Variants in LRRC74B observed in about 807,000 individuals in gnomAD.
LRRC74B encodes the protein leucine rich repeat containing 74B.
LRRC74B carries 30 observed loss-of-function variants against 16.6 expected under a neutral mutation model. The observed-to-expected ratio is 1.80, with a 90% CI of 1.35 to 2.45. The LOEUF is 2.45. Among genes scored for constraint, LRRC74B ranks in the 30% most tolerant of loss-of-function variants. The pLI is 0.00. For synonymous variants in LRRC74B, 134 were observed against 86.0 expected (o/e 1.56, Z -3.09); for missense variants, 326 against 202.4 (o/e 1.61, Z -3.71).
chr22:21,063,524 G>A (rs1040684661), downstream of LRRC74B: 2 of 140,682 alleles, frequency 1.4e-5, no homozygotes, highest in Non-Finnish European at 3.1e-5. Context: ...GCAACATCAG[G>A]AGATCCTTGT....
At chr22:21,055,449 C>T (rs928870439) in intron 7 of LRRC74B, among the ~76,000 whole-genome samples, 14 of 152,140 alleles carry the variant, frequency 9.2e-5, no homozygotes, top group South Asian at 2.1e-4. Flanking sequence ...TTGTGTCTCC[C>T]TCATCTTCTC....
rs1243859301 is a variant in LRRC74B, at chr22:21,048,023, G to A, written c.415+7G>A. 1 of 717,194 alleles carries A rather than the reference G, an allele frequency of 1.4e-6. No homozygotes were observed. The highest frequency in any genetic ancestry group is 2.6e-6 in the Non-Finnish European group (1 of 385,048). The allele number at this position is 717,194 out of a possible 1,614,324, so 44.4% of individuals were successfully genotyped here. ...AAAAGCAGCAGCATCCATGGTAGGT[G>A]CTGGGTCTGGGGCAGGTGGGCAGGC... On this transcript the variant is annotated splice_region_variant and intron_variant, in intron 3 of 8. Transcript: ENST00000442047.
intron 1 of LRRC74B, among the ~76,000 whole-genome samples, chr22:21,046,404 A>C (rs1929437233): frequency 6.9e-6 from 1 of 145,374 alleles, no homozygotes; most frequent in South Asian, 2.1e-4. Context: ...TGGAATTTAG[A>C]ACTATCTCGG....
At chr22:21,056,144 C>T (rs1930503287) in intron 7 of LRRC74B, among the ~76,000 whole-genome samples, 1 of 152,222 alleles carries the variant, frequency 6.6e-6, no homozygotes, top group Non-Finnish European at 1.5e-5. Context: ...GGACCAGAAA[C>T]ATGCCCTGCT....
intron 8 of LRRC74B, among the ~76,000 whole-genome samples, chr22:21,058,401 G>C (rs1278332981): frequency 6.6e-6 from 1 of 151,988 alleles, no homozygotes; most frequent in Non-Finnish European, 1.5e-5. Flanking sequence ...GTAGTTTCGG[G>C]TACTCAGAAG....
intron 3 of LRRC74B, chr22:21,048,539 C>T (rs1404115277): frequency 2.1e-5 from 6 of 279,740 alleles, no homozygotes; most frequent in Non-Finnish European, 4.2e-5. Context: ...GAAATGCACT[C>T]CTGAAGTGGT....
At chr22:21,052,089 C>T (rs546889259) in intron 4 of LRRC74B, among the ~76,000 whole-genome samples, 160 bp from the exon 5 acceptor site, 6 of 152,318 alleles carry the variant, frequency 3.9e-5, no homozygotes, top group Admixed American at 2.6e-4. Context: ...TTGTATCTCC[C>T]CCATGAAATG....
At chr22:21,048,014 A>G (rs780221264) in exon 3 of LRRC74B, 2 of 717,084 alleles carry the variant, frequency 2.8e-6, no homozygotes, top group South Asian at 3.0e-5. Context: ...AGCAGCATCC[A>G]TGGTAGGTGC....
intron 7 of LRRC74B, chr22:21,056,596 G>GTACACACACACA (rs1555952676): frequency 3.6e-5 from 5 of 140,230 alleles, no homozygotes; most frequent in African/African-American, 1.1e-4. Context: ...CAAGCTTGGA[G>GTACACACACACA]CACACACACA....
chr22:21,053,546 C>A (rs990843957), intron 6 of LRRC74B, 71 bp downstream of exon 6: 3 of 682,184 alleles, frequency 4.4e-6, no homozygotes, highest in Admixed American at 2.2e-5. Context: ...ACACAGTCTA[C>A]CCGTGATGGG....
downstream of LRRC74B, chr22:21,062,466 G>T: frequency 6.6e-6 from 1 of 152,174 alleles, no homozygotes; most frequent in Non-Finnish European, 1.5e-5. Flanking sequence ...CATAATCCCA[G>T]CACTTTGGGA....
exon 8 of LRRC74B, chr22:21,057,105 G>A (rs1472209569): frequency 1.4e-6 from 1 of 717,432 alleles, no homozygotes. Context: ...TGTTTCTCAG[G>A]TGTCCAGGAA....
At chr22:21,045,988 T>G (rs571291045) in exon 1 of LRRC74B, 1 of 717,368 alleles carries the variant, frequency 1.4e-6, no homozygotes, top group East Asian at 2.7e-5. Context: ...GTCGTAACCA[T>G]GAGGGGTTCC....
At chr22:21,052,663 G>A (rs1930167283) in intron 5 of LRRC74B, among the ~76,000 whole-genome samples, 1 of 152,176 alleles carries the variant, frequency 6.6e-6, no homozygotes, top group Non-Finnish European at 1.5e-5. Context: ...TCACTGTTGG[G>A]CATACGCAGG....
downstream of LRRC74B, among the ~76,000 whole-genome samples, chr22:21,061,520 G>A (rs935662347): frequency 2.0e-5 from 3 of 152,126 alleles, no homozygotes; most frequent in Non-Finnish European, 4.4e-5. Context: ...CATGGCAGCT[G>A]GGTGCAGTGG....
intron 6 of LRRC74B, among the ~76,000 whole-genome samples, chr22:21,054,808 G>A (rs539477973): frequency 6.6e-5 from 10 of 152,354 alleles, no homozygotes; most frequent in Non-Finnish European, 1.0e-4. Flanking sequence ...GGCATGAGGT[G>A]TCAGCTGGGG....
At position 21,046,966 on chromosome 22, in the gene LRRC74B, G is replaced by A. The variant is rs550225411; in HGVS notation, c.140-390G>A. Among the ~76,000 whole-genome samples, 7 of 151,854 alleles carry A rather than the reference G, an allele frequency of 4.6e-5. No homozygotes were observed. The South Asian group carries it at 1.3e-3, about 27-fold the overall frequency. ...AAACTAGCCCAGTGTGGTGGTGGGCGCCTGTAATCCCAGCTACTCGGGAGG... is the reference window on the plus strand; with the variant it reads ...AAACTAGCCCAGTGTGGTGGTGGGCACCTGTAATCCCAGCTACTCGGGAGG... On this transcript the variant is annotated intron_variant, in intron 1 of 8. Coordinates refer to ENST00000442047, the Ensembl canonical transcript of LRRC74B.
chr22:21,055,332 C>G (rs1222200790), intron 7 of LRRC74B, among the ~76,000 whole-genome samples, 156 bp downstream of exon 7: 1 of 152,202 alleles, frequency 6.6e-6, no homozygotes, highest in Non-Finnish European at 1.5e-5. Flanking sequence ...GGGCCTGGCC[C>G]TCCTCTTCTC....
chr22:21,058,178 G>T (rs1444760136), intron 8 of LRRC74B, among the ~76,000 whole-genome samples: 1 of 151,782 alleles, frequency 6.6e-6, no homozygotes, highest in African/African-American at 2.4e-5. Flanking sequence ...GGGATTACAG[G>T]CATGATCCAT....
Sources: allele counts gnomAD v4.1 joint callset (sites outside exome capture counted in the v4.1 genomes callset), GRCh38; gene constraint gnomAD v4.1.1; transcripts MANE v1.5; gene names NCBI Gene and HGNC (gene_info 2026-07-23, HGNC 2026-07-21).